The following SCARA5 variants were observed in gnomAD, a reference collection of about 807,000 sequenced individuals.
The protein encoded by SCARA5 is scavenger receptor class A, member 5 (putative).
In SCARA5, 45 loss-of-function variants were observed where a neutral mutation model predicts 46.3. The observed-to-expected ratio is 0.97, with a 90% confidence interval of 0.76 to 1.24. The LOEUF (loss-of-function observed/expected upper bound fraction) is 1.24, where lower values mean the gene tolerates loss of function less well. SCARA5 is among the 50% of genes most tolerant of loss of function. The pLI is 0.00. For synonymous variants in SCARA5, 333 were observed against 306.5 expected, an observed-to-expected ratio of 1.09 and a Z score of -0.90; for missense variants, 680 against 689.0, an observed-to-expected ratio of 0.99 and a Z score of 0.15.
intron 7 of SCARA5, among the ~76,000 whole-genome samples, chr8:27,901,548 C>CA (rs1471446227): frequency 1.3e-5 from 2 of 152,160 alleles, no homozygotes; most frequent in Admixed American, 1.3e-4. Context: ...GGCTCTCCCC[C>CA]ACAGAGCCCG....
At position 27,987,188 on chromosome 8, in the gene SCARA5, C is replaced by G. The variant is rs976646164; in HGVS notation, c.112+316G>C. On this transcript the variant is annotated intron_variant, in intron 2 of 8. Transcript: ENST00000354914. ...ACTGGCTCAGAGGCCCTTGCCTGACCCGAGTCTCACTCTCTCAGGAGCAGA... is the reference window on the plus strand; with the variant it reads ...ACTGGCTCAGAGGCCCTTGCCTGACGCGAGTCTCACTCTCTCAGGAGCAGA... Among the ~76,000 whole-genome samples the G allele has an allele frequency of 1.2e-4, 19 of 152,194 alleles. 1 individual carries two copies. Among genetic ancestry groups the G allele is most frequent in the Admixed American group, 1.2e-3 (18 of 15,286 alleles).
Position 27,921,637 on chromosome 8 carries a change from T to C in SCARA5, c.850A>G (p.Thr284Ala). Residue 284 changes from threonine (T) to alanine (A), a missense_variant, in exon 4 of 9, where the codon ACC (threonine) becomes GCC (alanine). Physicochemically the swap from Thr to Ala is moderately conservative, Grantham distance 58. This residue lies in a region of SCARA5 where 438 missense variants were observed against 384.5 expected (regional missense o/e 1.14). Coordinates refer to ENST00000354914, the MANE Select transcript of SCARA5 (RefSeq NM_173833.6). Reference protein sequence around the residue: ...KQELAMLNAVTEDLRLKDWEH... With the variant: ...KQELAMLNAVAEDLRLKDWEH... ...CAGTCCTTGAGGCGCAGGTCCTCGGTGACCGCGTTGAGCATGGCCAGCTCC... is the reference window on the plus strand; with the variant it reads ...CAGTCCTTGAGGCGCAGGTCCTCGGCGACCGCGTTGAGCATGGCCAGCTCC... 1.2e-6 allele frequency: 2 copies of C among 1,603,830 alleles called. No homozygotes were observed. The highest frequency in any genetic ancestry group is 1.7e-6 in the Non-Finnish European group (2 of 1,174,386).
intron 5 of SCARA5, among the ~76,000 whole-genome samples, chr8:27,908,264 A>G (rs549420821): frequency 6.6e-6 from 1 of 152,354 alleles, no homozygotes; most frequent in African/African-American, 2.4e-5. Context: ...ATTGGAGGCG[A>G]GGTCAGTAAA....
At chr8:27,946,498 A>T (rs1808039170) in intron 3 of SCARA5, among the ~76,000 whole-genome samples, 1 of 152,258 alleles carries the variant, frequency 6.6e-6, no homozygotes, top group African/African-American at 2.4e-5. Context: ...AAAGGAAACC[A>T]GCCCTGTTAG....
At chr8:27,949,538 G>A (rs1174491263) in intron 3 of SCARA5, among the ~76,000 whole-genome samples, 2 of 152,200 alleles carry the variant, frequency 1.3e-5, no homozygotes, top group Non-Finnish European at 2.9e-5. Flanking sequence ...GAGCATGGGG[G>A]TCTTTGGGAC....
At chr8:27,874,878 C>T (rs545798316) in intron 8 of SCARA5, among the ~76,000 whole-genome samples, 38 of 152,316 alleles carry the variant, frequency 2.5e-4, no homozygotes, top group African/African-American at 9.1e-4. Flanking sequence ...AGCCTCCCTC[C>T]AGTCATCACC....
At chr8:27,914,464 G>C (rs912011279) in intron 4 of SCARA5, among the ~76,000 whole-genome samples, 2 of 152,164 alleles carry the variant, frequency 1.3e-5, no homozygotes, top group Non-Finnish European at 2.9e-5. Flanking sequence ...CCCACTCCCT[G>C]GGCACTATCC....
chr8:27,908,186 T>C (rs1319337353), intron 5 of SCARA5, among the ~76,000 whole-genome samples: 2 of 152,054 alleles, frequency 1.3e-5, no homozygotes, highest in East Asian at 1.9e-4. Flanking sequence ...CTTCTCGTTT[T>C]ATTTAAGGAA....
chr8:27,926,035 G>A (rs989596825), intron 3 of SCARA5, among the ~76,000 whole-genome samples: 3 of 152,236 alleles, frequency 2.0e-5, no homozygotes, highest in African/African-American at 7.2e-5. Flanking sequence ...GTGGAAGACA[G>A]TGTGGCTATC....
chr8:27,891,644 C>T (rs1171777304), intron 7 of SCARA5, among the ~76,000 whole-genome samples: 12 of 152,222 alleles, frequency 7.9e-5, no homozygotes, highest in Non-Finnish European at 4.4e-5. Flanking sequence ...GGGCCCCTGT[C>T]CCCCGTGGGA....
At chr8:27,928,896 C>T (rs958837208) in intron 3 of SCARA5, among the ~76,000 whole-genome samples, 3 of 152,090 alleles carry the variant, frequency 2.0e-5, no homozygotes, top group Non-Finnish European at 4.4e-5. Flanking sequence ...AAACTCCTGA[C>T]CCACCTAGGC....
rs556501515 is a variant in SCARA5 at position 27,969,173 on chromosome 8, CT to C, written c.113-2632del. 7.8e-3 allele frequency among the ~76,000 whole-genome samples: 1,177 copies of C among 151,718 alleles called. 4 individuals are homozygous for C. The highest frequency in any genetic ancestry group is 0.031 in the Middle Eastern group (9 of 292). On this transcript the variant is annotated intron_variant, in intron 2 of 8. Transcript: ENST00000354914. ...AGGCTGCCCAAAACACATTTATGGA[CT>C]TTTTTTTTCCAAGTGGCAGAAGCAT...
chr8:27,904,169 C>T (rs944303789), intron 7 of SCARA5, among the ~76,000 whole-genome samples: 2 of 152,190 alleles, frequency 1.3e-5, no homozygotes, highest in African/African-American at 4.8e-5. Flanking sequence ...AGCTCTCCAG[C>T]GTCACTCCTC....
At chr8:27,889,415 C>G (rs1806947821) in intron 7 of SCARA5, among the ~76,000 whole-genome samples, 1 of 152,116 alleles carries the variant, frequency 6.6e-6, no homozygotes, top group Non-Finnish European at 1.5e-5. Flanking sequence ...TGACACAGTC[C>G]ACACTCTTTG....
At chr8:27,953,086 C>A (rs2685412) in intron 3 of SCARA5, among the ~76,000 whole-genome samples, 9 of 152,106 alleles carry the variant, frequency 5.9e-5, no homozygotes, top group South Asian at 4.1e-4. Context: ...CCAATCCAGA[C>A]GGAAAGCAGA....
chr8:27,881,505 G>C (rs1336771342), intron 7 of SCARA5, among the ~76,000 whole-genome samples: 1 of 150,926 alleles, frequency 6.6e-6, no homozygotes, highest in Non-Finnish European at 1.5e-5. Flanking sequence ...ACACAGGGGT[G>C]GGGGTGGGAA....
intron 3 of SCARA5, among the ~76,000 whole-genome samples, chr8:27,928,759 G>A (rs1175823616): frequency 6.6e-6 from 1 of 151,916 alleles, no homozygotes; most frequent in African/African-American, 2.4e-5. Context: ...TCCACCTCCT[G>A]GGTTCAAGCA....
At chr8:27,980,665 C>T (rs757694694) in intron 2 of SCARA5, among the ~76,000 whole-genome samples, 1 of 152,234 alleles carries the variant, frequency 6.6e-6, no homozygotes, top group Non-Finnish European at 1.5e-5. Flanking sequence ...CAAGGAAACA[C>T]ATCCCTTGGC....
chr8:27,915,840 C>T (rs1411745114), intron 4 of SCARA5, among the ~76,000 whole-genome samples: 1 of 152,160 alleles, frequency 6.6e-6, no homozygotes, highest in South Asian at 2.1e-4. Context: ...GCCACTCCAT[C>T]CAAATGCTGT....
Sources: allele counts gnomAD v4.1 joint callset (sites outside exome capture counted in the v4.1 genomes callset), GRCh38; gene constraint gnomAD v4.1.1; regional missense constraint gnomAD v4.1.1; transcripts MANE v1.5; gene names NCBI Gene and HGNC (gene_info 2026-07-23, HGNC 2026-07-21).